CNTNAP5: variants seen among roughly 807,000 people sequenced by gnomAD.
The protein encoded by CNTNAP5 is contactin-associated protein-like 5.
CNTNAP5 carries 72 observed loss-of-function variants against 150.2 expected under a neutral mutation model. The observed-to-expected ratio is 0.48, with a 90% CI of 0.40 to 0.58. The LOEUF is 0.58. Ranked by LOEUF, CNTNAP5 falls within the 20% of genes least tolerant of loss-of-function variation. The pLI, the probability that CNTNAP5 is intolerant of heterozygous loss-of-function variation, is 0.00. For missense variants in CNTNAP5, 1,636 were observed against 1,626.2 expected (o/e 1.01, Z -0.10); for synonymous variants, 672 against 619.8 (o/e 1.08, Z -1.25).
intron 13 of CNTNAP5, among the ~76,000 whole-genome samples, chr2:124,721,018 G>A (rs72978576): frequency 0.012 from 1,811 of 151,836 alleles, 43 homozygotes; most frequent in African/African-American, 0.042. Context: ...CATCTTTCCC[G>A]TACCTCCTGA....
In CNTNAP5 at chr2:124,783,937, C is replaced by G. The variant is rs1681507302; in HGVS notation, c.2753-5965C>G. Among the ~76,000 whole-genome samples, 9 of 152,244 alleles carry G rather than the reference C, an allele frequency of 5.9e-5. No individual in the cohort carries two copies. The South Asian group carries it at 1.9e-3, about 32-fold the overall frequency. On this transcript the variant is annotated intron_variant, in intron 17 of 23. Transcript: ENST00000682447. ...AAATTAAAGTCTACAGTAGGATTTC[C>G]TCCTGGTACCAAGATTCTGCCAATT...
intron 13 of CNTNAP5, among the ~76,000 whole-genome samples, chr2:124,718,153 C>T (rs1444907416): frequency 1.3e-5 from 2 of 152,174 alleles, no homozygotes; most frequent in Admixed American, 6.5e-5. Context: ...CAACTTTCTA[C>T]TCCATTCTTA....
chr2:124,173,747 C>T (rs1431192203), intron 1 of CNTNAP5, among the ~76,000 whole-genome samples: 1 of 152,162 alleles, frequency 6.6e-6, no homozygotes, highest in Non-Finnish European at 1.5e-5. Context: ...GGGAATTATC[C>T]AGAAGATCTA....
chr2:124,897,106 T>C (rs1276145696), intron 21 of CNTNAP5, among the ~76,000 whole-genome samples: 1 of 151,524 alleles, frequency 6.6e-6, no homozygotes, highest in Non-Finnish European at 1.5e-5. Context: ...ACCATCTATA[T>C]CATAATTACC....
At chr2:124,736,803 T>C (rs1436513334) in intron 13 of CNTNAP5, among the ~76,000 whole-genome samples, 1 of 152,212 alleles carries the variant, frequency 6.6e-6, no homozygotes, top group African/African-American at 2.4e-5. Context: ...TTGTTTCTTT[T>C]TTTTGGCATT....
intron 11 of CNTNAP5, among the ~76,000 whole-genome samples, chr2:124,575,190 G>C (rs1288682088): frequency 1.3e-5 from 2 of 152,178 alleles, no homozygotes; most frequent in African/African-American, 4.8e-5. Flanking sequence ...CAACAGCCCA[G>C]CAGGACACAA....
At chr2:124,243,809 A>G (rs990832987) in intron 3 of CNTNAP5, among the ~76,000 whole-genome samples, 18 of 152,092 alleles carry the variant, frequency 1.2e-4, no homozygotes, top group African/African-American at 4.3e-4. Flanking sequence ...TTGAACCTAA[A>G]ATAAAAGTTG....
At chr2:124,302,264 T>A (rs1042854075) in intron 3 of CNTNAP5, among the ~76,000 whole-genome samples, 1 of 152,172 alleles carries the variant, frequency 6.6e-6, no homozygotes, top group African/African-American at 2.4e-5. Context: ...AATAAACAAA[T>A]AAATAAATAA....
chr2:124,392,483 C>T (rs1404722764), intron 3 of CNTNAP5, among the ~76,000 whole-genome samples: 1 of 151,890 alleles, frequency 6.6e-6, no homozygotes, highest in Non-Finnish European at 1.5e-5. Flanking sequence ...GGAGACAGAG[C>T]TATAATGTAT....
intron 1 of CNTNAP5, among the ~76,000 whole-genome samples, chr2:124,159,015 C>T (rs1189197620): frequency 6.6e-6 from 1 of 152,122 alleles, no homozygotes; most frequent in African/African-American, 2.4e-5. Context: ...CATTTCAAAC[C>T]CTAGGGAGAG....
chr2:124,744,424 A>C (rs939916507), intron 13 of CNTNAP5, among the ~76,000 whole-genome samples: 1 of 152,292 alleles, frequency 6.6e-6, no homozygotes, highest in African/African-American at 2.4e-5. Context: ...CAGCATGAAA[A>C]TGCACTAATA....
chr2:124,166,490 G>C (rs1573805146), intron 1 of CNTNAP5, among the ~76,000 whole-genome samples: 1 of 152,286 alleles, frequency 6.6e-6, no homozygotes. Flanking sequence ...TGTCAGATCA[G>C]CTTAGACTAG....
At chr2:124,863,406 G>C (rs1196456894) in intron 19 of CNTNAP5, among the ~76,000 whole-genome samples, 1 of 152,166 alleles carries the variant, frequency 6.6e-6, no homozygotes, top group Non-Finnish European at 1.5e-5. Context: ...AAAATATGCT[G>C]CTCTTGGGAG....
chr2:124,340,485 A>G (rs899707903), intron 3 of CNTNAP5, among the ~76,000 whole-genome samples: 3 of 152,196 alleles, frequency 2.0e-5, no homozygotes, highest in Non-Finnish European at 4.4e-5. Flanking sequence ...TGCCCAAATA[A>G]TATACCATAC....
At chr2:124,398,515 A>C (rs930851181) in intron 3 of CNTNAP5, among the ~76,000 whole-genome samples, 1 of 69,410 alleles carries the variant, frequency 1.4e-5, no homozygotes, top group Non-Finnish European at 3.9e-5. Flanking sequence ...TTTATTTTTG[A>C]GATGAAGTTT....
At chr2:124,530,634 G>A (rs938077348) in intron 10 of CNTNAP5, among the ~76,000 whole-genome samples, 4 of 152,182 alleles carry the variant, frequency 2.6e-5, no homozygotes, top group African/African-American at 7.2e-5. Flanking sequence ...CCTTGCGCAC[G>A]GCTCTGGAAG....
chr2:124,707,488 C>A (rs1679716293), intron 13 of CNTNAP5, among the ~76,000 whole-genome samples: 1 of 152,114 alleles, frequency 6.6e-6, no homozygotes, highest in Non-Finnish European at 1.5e-5. Flanking sequence ...ATCCAGAGTG[C>A]AATAAATGTT....
At position 124,227,512 on chromosome 2, in the gene CNTNAP5, G is replaced by C. The variant is rs567893548; in HGVS notation, c.187+5703G>C. Among the ~76,000 whole-genome samples, 4 of 152,090 alleles carry C rather than the reference G, an allele frequency of 2.6e-5. No homozygotes were observed. In the East Asian group the frequency reaches 7.7e-4, roughly 29 times the overall value. On this transcript the variant is annotated intron_variant, in intron 2 of 23. Transcript: ENST00000682447. ...CACATGCATTATTTTAATTCCCAGG[G>C]AATAGTTTAAAATAAGTAAGTAATA...
Position 124,033,105 on chromosome 2 carries a change from C to A in CNTNAP5, c.82+7373C>A, listed in dbSNP as rs531346044. 5.6e-4 allele frequency among the ~76,000 whole-genome samples: 85 copies of A among 152,040 alleles called. 3 individuals carry two copies. In the South Asian group the frequency reaches 0.017, roughly 30 times the overall value. ...CTATCATTGGTAATTGATTTGCTGG[C>A]GTAAATTCCATGTCTCTACATTTCT... On this transcript the variant is annotated intron_variant, in intron 1 of 23. Coordinates refer to ENST00000682447, the MANE Select transcript of CNTNAP5 (RefSeq NM_001367498.1).
Sources: allele counts gnomAD v4.1 joint callset (sites outside exome capture counted in the v4.1 genomes callset), GRCh38; gene constraint gnomAD v4.1.1; transcripts MANE v1.5; gene names NCBI Gene and HGNC (gene_info 2026-07-23, HGNC 2026-07-21).